The following KCTD3 variants were observed in gnomAD, a reference collection of about 807,000 sequenced individuals.
The protein encoded by KCTD3 is potassium channel tetramerization domain containing 3.
In KCTD3, 41 loss-of-function variants were observed where a neutral mutation model predicts 85.8. The ratio of observed to expected loss-of-function variants is 0.48; its 90% confidence interval spans 0.37 to 0.62. The LOEUF (loss-of-function observed/expected upper bound fraction) is 0.62, where lower values mean the gene tolerates loss of function less well. KCTD3 is among the 20% of genes least tolerant of loss of function. KCTD3 has a pLI of 0.00. For missense variants in KCTD3, 724 were observed against 989.9 expected (o/e 0.73, Z 3.60); for synonymous variants, 338 against 345.4 (o/e 0.98, Z 0.24).
intron 10 of KCTD3, among the ~76,000 whole-genome samples, chr1:215,596,227 T>C (rs1225479833): frequency 6.6e-6 from 1 of 152,154 alleles, no homozygotes; most frequent in Non-Finnish European, 1.5e-5. Context: ...TTTGAATTGA[T>C]AGGAAACATA....
chr1:215,605,624 T>C (rs1021925926), intron 13 of KCTD3, among the ~76,000 whole-genome samples: 10 of 152,182 alleles, frequency 6.6e-5, no homozygotes, highest in African/African-American at 2.2e-4. Context: ...GTTGTATGTT[T>C]AATAGGCATC....
chr1:215,581,544 C>T (rs1659824494), intron 8 of KCTD3, among the ~76,000 whole-genome samples: 1 of 152,078 alleles, frequency 6.6e-6, no homozygotes, highest in Non-Finnish European at 1.5e-5. Flanking sequence ...GCATAACTTC[C>T]GTTTTGTTAC....
At chr1:215,603,031 C>T (rs917922517) in intron 12 of KCTD3, among the ~76,000 whole-genome samples, 1 of 152,144 alleles carries the variant, frequency 6.6e-6, no homozygotes, top group African/African-American at 2.4e-5. Context: ...TGTTTTTATG[C>T]CACAATGACA....
chr1:215,568,467 T>C (rs968539975), intron 1 of KCTD3, among the ~76,000 whole-genome samples: 4 of 142,760 alleles, frequency 2.8e-5, no homozygotes, highest in Non-Finnish European at 6.1e-5. Context: ...TCTCTGTCTG[T>C]TCTCTTTCTG....
chr1:215,596,934 C>T (rs371575827), intron 10 of KCTD3, among the ~76,000 whole-genome samples: 1 of 151,908 alleles, frequency 6.6e-6, no homozygotes, highest in African/African-American at 2.4e-5. Context: ...AAGGTTTGAC[C>T]CAACAGGGAG....
intron 15 of KCTD3, chr1:215,618,255 G>T: frequency 2.8e-6 from 1 of 352,084 alleles, no homozygotes. Flanking sequence ...GCTCAAGAAT[G>T]AGACTAGGAT....
rs754745010 is a variant in KCTD3 at position 215,620,772 on chromosome 1, A to G, written c.*154A>G. ...ACAGAATTACTTGGAATAATGAGAT[A>G]CAATAATCATATCTCTTTTGACATT... On this transcript the variant is annotated 3_prime_UTR_variant, in exon 18 of 18. Transcript: ENST00000259154. The G allele has an allele frequency of 2.4e-5, 13 of 552,144 alleles. No individual in the cohort carries two copies. The highest frequency in any genetic ancestry group is 3.7e-5 in the Non-Finnish European group (12 of 321,004). The allele number at this position is 552,144 out of a possible 1,614,324, so 34.2% of individuals were successfully genotyped here.
Position 215,618,888 on chromosome 1 carries a change from T to G in KCTD3, c.1565T>G (p.Ile522Arg). The change falls in exon 16 of 18, where the codon ATA (isoleucine) becomes AGA (arginine). Residue 522 changes from isoleucine to arginine, a missense_variant and splice_region_variant. Physicochemically the swap from Ile to Arg is moderately conservative, Grantham distance 97. Coordinates refer to ENST00000259154, the MANE Select transcript of KCTD3 (RefSeq NM_016121.5). ...CTCTTTCTGCTTTTCTTTTGCAGAA[T>G]ATGTGAGATCCAGGCTGTTGACTGT... ...FVRLSSTGKR[I>R]CEIQAVDCTT... is the part of the protein sequence containing the mutation. The G allele has an allele frequency of 6.3e-7, 1 of 1,591,900 alleles. No individual in the cohort carries two copies. The highest frequency in any genetic ancestry group is 8.5e-7 in the Non-Finnish European group (1 of 1,174,364).
chr1:215,593,219 A>G lies in KCTD3; in HGVS notation c.818-2137A>G, dbSNP rs181174138. 2.8e-3 allele frequency among the ~76,000 whole-genome samples: 419 copies of G among 152,302 alleles called. 1 individual carries two copies. The highest frequency in any genetic ancestry group is 5.7e-3 in the Admixed American group (87 of 15,298). On this transcript the variant is annotated intron_variant, in intron 9 of 17. Transcript: ENST00000259154. ...AAGTGGCAGGTTCATTTCTTAACCA[A>G]TTCTGGGCAACGGACTTAGCTTTGT... is the stretch of plus-strand genomic sequence containing the variant.
intron 15 of KCTD3, 25 bp from the exon 16 acceptor site, chr1:215,618,861 G>T (rs1655556486): frequency 6.5e-7 from 1 of 1,538,004 alleles, no homozygotes; most frequent in Non-Finnish European, 8.7e-7. Context: ...TTCCCATCAG[G>T]GCTCTTTCTG....
chr1:215,574,972 C>G (rs1440273903), intron 3 of KCTD3, among the ~76,000 whole-genome samples: 3 of 152,086 alleles, frequency 2.0e-5, no homozygotes, highest in Non-Finnish European at 2.9e-5. Flanking sequence ...CAATTATGGG[C>G]TGGGTGGGGT....
chr1:215,579,079 C>T lies in KCTD3; in HGVS notation c.477C>T (p.Ala159=). The change falls in exon 7 of 18, where the codon GCC becomes GCT. Residue 159 remains alanine (A), a synonymous_variant. Transcript: ENST00000259154. The part of the protein sequence containing the change: ...RNGLNSTEGE[A]RGNGTQPVLS... ...GTCTAAATTCTACAGAAGGTGAAGC[C>T]CGGGGAAATGGTACACAGCCTGTTC... 3 of 1,597,688 alleles carry T rather than the reference C, an allele frequency of 1.9e-6. No homozygotes were observed. The highest frequency in any genetic ancestry group is 1.7e-6 in the Non-Finnish European group (2 of 1,174,846).
At chr1:215,571,230 A>G (rs1479839932) in intron 1 of KCTD3, among the ~76,000 whole-genome samples, 1 of 152,250 alleles carries the variant, frequency 6.6e-6, no homozygotes, top group African/African-American at 2.4e-5. Context: ...TCTGCAATGT[A>G]TGAATCCTTG....
chr1:215,614,231 C>CTG (rs2102604501), intron 15 of KCTD3, among the ~76,000 whole-genome samples: 1 of 151,968 alleles, frequency 6.6e-6, no homozygotes, highest in South Asian at 2.1e-4. Context: ...CGGGGTTTCA[C>CTG]TGTGTTAGCC....
chr1:215,612,928 A>G (rs1467786603), intron 15 of KCTD3, among the ~76,000 whole-genome samples: 1 of 152,080 alleles, frequency 6.6e-6, no homozygotes, highest in East Asian at 1.9e-4. Flanking sequence ...TTTTTTGACG[A>G]TGAGAACACA....
intron 7 of KCTD3, 140 bp downstream of exon 7, chr1:215,579,277 A>G (rs1021786746): frequency 7.9e-6 from 5 of 631,384 alleles, no homozygotes; most frequent in Non-Finnish European, 1.3e-5. Flanking sequence ...GAAAGGTCTC[A>G]TTTAACACTT....
intron 15 of KCTD3, among the ~76,000 whole-genome samples, chr1:215,612,467 C>T (rs948804568): frequency 5.9e-5 from 9 of 152,144 alleles, no homozygotes; most frequent in South Asian, 2.1e-4. Context: ...TGTCTGTCTC[C>T]GTGAGAGTAG....
intron 1 of KCTD3, among the ~76,000 whole-genome samples, chr1:215,570,394 A>G (rs1276686323): frequency 1.3e-5 from 2 of 152,190 alleles, no homozygotes; most frequent in African/African-American, 4.8e-5. Context: ...ACAAAAAGTA[A>G]TGAAGTGAAT....
intron 3 of KCTD3, among the ~76,000 whole-genome samples, chr1:215,575,668 A>T (rs1208423112): frequency 6.6e-6 from 1 of 152,222 alleles, no homozygotes; most frequent in East Asian, 1.9e-4. Flanking sequence ...TTAAAATATC[A>T]GTTTAATAAT....
Sources: gnomAD v4.1 joint callset for allele counts (sites outside exome capture counted in the v4.1 genomes callset) on GRCh38, gnomAD v4.1.1 for gene constraint, MANE v1.5 for transcripts, NCBI Gene and HGNC (gene_info 2026-07-23, HGNC 2026-07-21) for gene names.